KAZN: variants seen among roughly 807,000 people sequenced by gnomAD.
The protein encoded by KAZN is kazrin, periplakin interacting protein.
In KAZN, 40 loss-of-function variants were observed where a neutral mutation model predicts 87.4. That is an observed-to-expected ratio of 0.46 (90% confidence interval 0.36 to 0.60). The LOEUF (loss-of-function observed/expected upper bound fraction) is 0.60, where lower values mean the gene tolerates loss of function less well. KAZN is among the 20% of genes least tolerant of loss of function. KAZN has a pLI of 0.00. For synonymous variants in KAZN, 466 were observed against 458.3 expected (o/e 1.02, Z -0.22); for missense variants, 898 against 1,073.9 (o/e 0.84, Z 2.29).
chr1:14,005,280 G>T (rs144900622), intron 1 of KAZN, among the ~76,000 whole-genome samples: 6 of 152,172 alleles, frequency 3.9e-5, no homozygotes, highest in Admixed American at 1.3e-4. Context: ...GCTGATGGCC[G>T]CAGAGAAATA....
At chr1:14,504,632 A>G (rs1002066781) in intron 2 of KAZN, among the ~76,000 whole-genome samples, 11 of 152,300 alleles carry the variant, frequency 7.2e-5, no homozygotes, top group African/African-American at 2.6e-4. Context: ...AATCAGGGGC[A>G]ATGGGCTTCA....
chr1:14,937,040 C>T (rs1660540560), intron 1 of KAZN, among the ~76,000 whole-genome samples: 1 of 152,170 alleles, frequency 6.6e-6, no homozygotes, highest in South Asian at 2.1e-4. Flanking sequence ...CATCCTGGGC[C>T]CCCAACCTTT....
intron 2 of KAZN, among the ~76,000 whole-genome samples, chr1:14,216,581 G>A (rs1203693034): frequency 6.6e-6 from 1 of 152,164 alleles, no homozygotes; most frequent in Non-Finnish European, 1.5e-5. Flanking sequence ...GGAAAAGTTA[G>A]TAAAACTATA....
At chr1:13,898,521 T>C (rs1639130953) in intron 1 of KAZN, among the ~76,000 whole-genome samples, 1 of 152,248 alleles carries the variant, frequency 6.6e-6, no homozygotes, top group Non-Finnish European at 1.5e-5. Context: ...TAAAGTCATT[T>C]TATCTAATAT....
chr1:14,212,185 G>A (rs1646867372), intron 2 of KAZN, among the ~76,000 whole-genome samples: 2 of 152,128 alleles, frequency 1.3e-5, no homozygotes, highest in African/African-American at 4.8e-5. Context: ...TGCCTGGCAC[G>A]GGTTATGCAG....
At chr1:14,938,095 G>T (rs555489798) in intron 1 of KAZN, among the ~76,000 whole-genome samples, 1 of 152,260 alleles carries the variant, frequency 6.6e-6, no homozygotes, top group South Asian at 2.1e-4. Context: ...AGTGCTTAGG[G>T]TCATAGAGCC....
intron 2 of KAZN, among the ~76,000 whole-genome samples, chr1:14,495,333 T>A (rs1235030565): frequency 3.3e-5 from 5 of 152,178 alleles, no homozygotes; most frequent in African/African-American, 9.7e-5. Context: ...AGACCTTCCT[T>A]TCAACCTGAA....
At chr1:14,105,208 T>G (rs2101655325) in intron 1 of KAZN, among the ~76,000 whole-genome samples, 1 of 152,270 alleles carries the variant, frequency 6.6e-6, no homozygotes. Flanking sequence ...AAGTGCATAG[T>G]TATAGACCAA....
chr1:14,937,637 C>A (rs1261509125), intron 1 of KAZN, among the ~76,000 whole-genome samples: 1 of 152,224 alleles, frequency 6.6e-6, no homozygotes, highest in Non-Finnish European at 1.5e-5. Flanking sequence ...CCTCAAGGGG[C>A]TGCATAAGCA....
chr1:13,910,407 T>C (rs942534899), intron 1 of KAZN, among the ~76,000 whole-genome samples: 8 of 151,570 alleles, frequency 5.3e-5, no homozygotes, highest in African/African-American at 1.9e-4. Context: ...ACCCAGGAGG[T>C]TGAGGCAGGA....
intron 2 of KAZN, among the ~76,000 whole-genome samples, chr1:14,372,524 C>T (rs1202454595): frequency 6.6e-6 from 1 of 152,222 alleles, no homozygotes; most frequent in Non-Finnish European, 1.5e-5. Context: ...GCTAGTAACA[C>T]CAACCCAGGT....
rs36034022 is a variant in KAZN, at chr1:14,467,674, CAAAAAAAAAA to C, written c.250-131297_250-131288del. 7.8e-5 allele frequency among the ~76,000 whole-genome samples: 6 copies of C among 77,344 alleles called. 1 individual carries two copies. Among genetic ancestry groups the C allele is most frequent in the African/African-American group, 2.5e-4 (5 of 19,756 alleles). 50.7% of individuals were successfully genotyped at this position (77,344 alleles called of 152,430 possible). The stretch of plus-strand genomic sequence containing the variant: ...ATGCCTGATTCATGTATCCAAAAGG[CAAAAAAAAAA>C]AAAAAAAAAAAGTAGACTTTACATC... On this transcript the variant is annotated intron_variant, in intron 2 of 16. Coordinates refer to the KAZN transcript ENST00000636203.
intron 1 of KAZN, among the ~76,000 whole-genome samples, chr1:14,039,752 C>T (rs963097698): frequency 2.0e-5 from 3 of 152,136 alleles, no homozygotes; most frequent in Non-Finnish European, 4.4e-5. Context: ...AGAGAAAACC[C>T]TGACATTCAT....
chr1:14,658,015 C>A (rs1349042306), intron 1 of KAZN, among the ~76,000 whole-genome samples: 1 of 152,194 alleles, frequency 6.6e-6, no homozygotes, highest in Non-Finnish European at 1.5e-5. Context: ...GCAGTGCAGG[C>A]ACCTGGCGCT....
chr1:14,439,711 C>T (rs954206676), intron 2 of KAZN, among the ~76,000 whole-genome samples: 4 of 152,134 alleles, frequency 2.6e-5, no homozygotes, highest in East Asian at 1.9e-4. Context: ...AGGCAGTGGC[C>T]GCCATATTGG....
At chr1:14,256,404 A>G (rs999675428) in intron 2 of KAZN, among the ~76,000 whole-genome samples, 3 of 152,048 alleles carry the variant, frequency 2.0e-5, no homozygotes, top group Non-Finnish European at 4.4e-5. Flanking sequence ...AAAGGAGAGA[A>G]GGAGAGAGGG....
At chr1:14,796,996 G>T (rs1224364601) in intron 1 of KAZN, among the ~76,000 whole-genome samples, 1 of 152,214 alleles carries the variant, frequency 6.6e-6, no homozygotes, top group South Asian at 2.1e-4. Context: ...GTATCATTTG[G>T]TGGCCACTTA....
At chr1:14,505,803 G>A (rs1670553670) in intron 2 of KAZN, among the ~76,000 whole-genome samples, 1 of 152,044 alleles carries the variant, frequency 6.6e-6, no homozygotes, top group South Asian at 2.1e-4. Flanking sequence ...GTGAAACCCT[G>A]TCTCTACTAA....
intron 1 of KAZN, among the ~76,000 whole-genome samples, chr1:14,179,100 T>C (rs646835): frequency 0.65 from 98,901 of 152,008 alleles, 33,867 homozygotes; most frequent in African/African-American, 0.87. Context: ...TTTTTCTTGC[T>C]GGTCATGTAG....
Sources: allele counts gnomAD v4.1 joint callset (sites outside exome capture counted in the v4.1 genomes callset), GRCh38; gene constraint gnomAD v4.1.1; transcripts MANE v1.5; gene names NCBI Gene and HGNC (gene_info 2026-07-23, HGNC 2026-07-21).